Variants in MYO1G observed in about 807,000 individuals in gnomAD.
The protein encoded by MYO1G is unconventional myosin-Ig.
MYO1G carries 65 observed loss-of-function variants against 115.3 expected under a neutral mutation model. The observed-to-expected ratio is 0.56, with a 90% confidence interval of 0.46 to 0.69. The LOEUF (loss-of-function observed/expected upper bound fraction) is 0.69. MYO1G is among the 30% of genes least tolerant of loss of function. The probability of loss-of-function intolerance (pLI) is 0.00; values close to 1 mark genes in which losing one functional copy is unlikely to be tolerated. For synonymous variants in MYO1G, 510 were observed against 552.6 expected (o/e 0.92, Z 1.08); for missense variants, 1,204 against 1,393.5 (o/e 0.86, Z 2.16).
At position 44,966,366 on chromosome 7, in the gene MYO1G, G is replaced by A; in HGVS notation, c.1950-86C>T. 1 of 1,218,130 alleles carries A rather than the reference G, an allele frequency of 8.2e-7. No homozygotes were observed. The highest frequency in any genetic ancestry group is 1.2e-6 in the Non-Finnish European group (1 of 857,944). The allele number at this position is 1,218,130 out of a possible 1,614,324, so 75.5% of individuals were successfully genotyped here. A position where few individuals can be genotyped will look rare whatever the true frequency, so the allele number is the denominator to read the frequency against. ...CTGCCCACCCCACACCTGGGGAGAT[G>A]GCAGGGATACAGAGTGTGTTCCTGG... On this transcript the variant is annotated intron_variant, in intron 15 of 21. Transcript: ENST00000258787. This position sits in a 1 kb window ranked among gnomAD's most constrained non-coding sequence, Gnocchi z 5.0.
chr7:44,978,886 T>C lies in MYO1G; in HGVS notation c.76A>G (p.Met26Val), dbSNP rs1322901689. 6.2e-7 allele frequency: 1 copy of C among 1,614,194 alleles called. No homozygotes were observed. Among genetic ancestry groups the C allele is most frequent in the Non-Finnish European group, 8.5e-7 (1 of 1,180,012 alleles). ...LLDQVTMEDF[M>V]RNLQLRFEKG... ...GCCTACCTGAGCTGCAGGTTCCTCA[T>C]GAAGTCCTCCATGGTCACTTGGTCC... Residue 26 changes from methionine (M) to valine (V), a missense_variant, in exon 1 of 22, where the codon ATG becomes GTG. Met to Val is a conservative substitution (Grantham distance 21). Transcript: ENST00000258787.
Position 44,969,911 on chromosome 7 carries a change from G to T in MYO1G, c.1333-36C>A. The T allele has an allele frequency of 6.3e-7, 1 of 1,589,020 alleles. No individual in the cohort carries two copies. Among genetic ancestry groups the T allele is most frequent in the Non-Finnish European group, 8.6e-7 (1 of 1,166,340 alleles). ...GGCAGCCAGCAAGGAAGCTCCCAAGGTCTTTCAGGCCACCTCCCCTCCTCC... is the reference window on the plus strand; with the variant it reads ...GGCAGCCAGCAAGGAAGCTCCCAAGTTCTTTCAGGCCACCTCCCCTCCTCC... On this transcript the variant is annotated intron_variant, in intron 10 of 21. Transcript: ENST00000258787. This position sits in a 1 kb window ranked among gnomAD's most constrained non-coding sequence, Gnocchi z 5.0.
chr7:44,976,559 C>T lies in MYO1G; in HGVS notation c.398+5G>A. 6.2e-7 allele frequency: 1 copy of T among 1,613,742 alleles called. No individual in the cohort carries two copies. The highest frequency in any genetic ancestry group is 8.5e-7 in the Non-Finnish European group (1 of 1,179,662). On this transcript the variant is annotated splice_donor_5th_base_variant and intron_variant, in intron 3 of 21. Coordinates refer to ENST00000258787, the MANE Select transcript of MYO1G (RefSeq NM_033054.3). ...TGAGGCCCAGAGCTGCCCATTGCCA[C>T]TCACCTCTCCACCTCAGCCCTCTGG...
chr7:44,974,676 T>C (rs1247214272), intron 5 of MYO1G: 3 of 175,836 alleles, frequency 1.7e-5, no homozygotes, highest in Non-Finnish European at 3.7e-5. Flanking sequence ...AGTGTCAAGC[T>C]CTGAGACTGC....
intron 1 of MYO1G, among the ~76,000 whole-genome samples, chr7:44,977,767 C>T (rs1030268949): frequency 6.6e-6 from 1 of 152,094 alleles, no homozygotes; most frequent in Admixed American, 6.5e-5. Flanking sequence ...CCCTCAGACC[C>T]ATCTCCCCTT....
In MYO1G at chr7:44,975,487, C is replaced by T. The variant is rs146466466; in HGVS notation, c.561G>A (p.Glu187=). 6.2e-5 allele frequency: 99 copies of T among 1,607,526 alleles called. No homozygotes were observed. The highest frequency in any genetic ancestry group is 3.3e-4 in the Middle Eastern group (2 of 6,062). The change falls in exon 4 of 22, where the codon GAG becomes GAA. Residue 187 remains glutamate, a synonymous_variant. Transcript: ENST00000258787. ...TCTCCTCAGCCCACCTGCCCACCTT[C>T]TCCAGTAGGTAGCTGTGGATGTGTC... ...IGGHIHSYLL[E]KSRVLKQHVG...
In MYO1G at chr7:44,970,921, G is replaced by A. The variant is rs1302326073; in HGVS notation, c.985C>T (p.Arg329Cys). Residue 329 changes from arginine (R) to cysteine (C), a missense_variant, in exon 8 of 22, where the codon CGC becomes TGC. Coordinates refer to ENST00000258787, the MANE Select transcript of MYO1G (RefSeq NM_033054.3). ...RDLVLRSLLA[R>C]TVASGGRELI... Reference sequence around the variant, plus strand: ...TCCCTGCCTCCCGAGGCAACTGTGCGAGCCAGCAGGGAGCGGAGCACGAGG... The same window carrying A: ...TCCCTGCCTCCCGAGGCAACTGTGCAAGCCAGCAGGGAGCGGAGCACGAGG... The A allele has an allele frequency of 3.7e-6, 6 of 1,613,558 alleles. No homozygotes were observed. The highest frequency in any genetic ancestry group is 2.2e-5 in the East Asian group (1 of 44,880).
In MYO1G at chr7:44,970,832, T is replaced by C. The variant is rs779714613; in HGVS notation, c.1071+3A>G. 26 of 1,613,478 alleles carry C rather than the reference T, an allele frequency of 1.6e-5. No homozygotes were observed. In the Admixed American group the frequency reaches 2.2e-4, roughly 13 times the overall value. On this transcript the variant is annotated splice_donor_region_variant and intron_variant, in intron 8 of 21. Coordinates refer to ENST00000258787, the MANE Select transcript of MYO1G (RefSeq NM_033054.3). ...TCCCTCCCTGTGCCTGCCCCCAAAG[T>C]ACCTTGGCACAGGCATCCCGGGCAT...
intron 17 of MYO1G, 73 bp downstream of exon 17, chr7:44,965,564 G>A (rs2128701128): frequency 1.4e-6 from 2 of 1,441,892 alleles, no homozygotes; most frequent in Middle Eastern, 1.8e-4. Context: ...AGGCACTGCA[G>A]GCCCGGGATG....
At chr7:44,975,442 G>T in intron 4 of MYO1G, 42 bp downstream of exon 4, 1 of 1,581,694 alleles carries the variant, frequency 6.3e-7, no homozygotes, top group South Asian at 1.2e-5. Context: ...ATGGGTCTCG[G>T]CCAGGGCTCC....
intron 1 of MYO1G, 134 bp downstream of exon 1, chr7:44,978,733 G>A: frequency 4.0e-6 from 3 of 753,590 alleles, no homozygotes; most frequent in Non-Finnish European, 6.7e-6. Flanking sequence ...AGCCCCATCT[G>A]GTCTGGGTGG....
chr7:44,971,793 G>A lies in MYO1G; in HGVS notation c.730-4C>T. 1 of 1,551,234 alleles carries A rather than the reference G, an allele frequency of 6.4e-7. No homozygotes were observed. Among genetic ancestry groups the A allele is most frequent in the Non-Finnish European group, 8.7e-7 (1 of 1,145,186 alleles). ...TCTGCTCATCACTGTCCAAGGCCTA[G>A]GGTAGAAGGGATTCATCACTCCAAA... On this transcript the variant is annotated splice_region_variant and splice_polypyrimidine_tract_variant and intron_variant, in intron 6 of 21. Transcript: ENST00000258787.
chr7:44,967,514 G>A, intron 14 of MYO1G, 91 bp downstream of exon 14: 1 of 1,506,168 alleles, frequency 6.6e-7, no homozygotes, highest in South Asian at 1.2e-5. Context: ...CCACCACTAT[G>A]ATGTACAGAG....
At position 44,970,943 on chromosome 7, in the gene MYO1G, G is replaced by A. The variant is rs267601521; in HGVS notation, c.963C>T (p.Leu321=). ...VAELTATPRD[L]VLRSLLARTV... is the part of the protein sequence containing the mutation. ...TGCGAGCCAGCAGGGAGCGGAGCAC[G>A]AGGTCCCGGGGTGTGGCCGTCAGCT... Residue 321 remains leucine, a synonymous_variant, in exon 8 of 22, where the codon CTC becomes CTT. Coordinates refer to ENST00000258787, the MANE Select transcript of MYO1G (RefSeq NM_033054.3). The A allele has an allele frequency of 1.1e-5, 18 of 1,613,412 alleles. No individual in the cohort carries two copies. The highest frequency in any genetic ancestry group is 1.6e-4 in the Middle Eastern group (1 of 6,082).
rs377715922 is a variant in MYO1G at position 44,972,151 on chromosome 7, T to C, written c.693A>G (p.Thr231=). ...LERNPAVYNF[T]HQGAGLNMTV... ...TCATGTTGAGTCCTGCTCCCTGGTG[T>C]GTGAAATTGTATACAGCAGGGTTTC... is the stretch of plus-strand genomic sequence containing the variant. The change falls in exon 6 of 22, where the codon ACA becomes ACG. Residue 231 remains threonine, a synonymous_variant. Transcript: ENST00000258787. 1.2e-6 allele frequency: 2 copies of C among 1,613,954 alleles called. No individual in the cohort carries two copies. Among genetic ancestry groups the C allele is most frequent in the African/African-American group, 2.7e-5 (2 of 74,886 alleles).
In MYO1G at chr7:44,964,065, G is replaced by A. The variant is rs1208746512; in HGVS notation, c.2729C>T (p.Ala910Val). The change falls in exon 20 of 22, where the codon GCC becomes GTC. Residue 910 changes from alanine to valine, a missense_variant. By Grantham distance (64) the Ala-to-Val change is moderately conservative. Coordinates refer to ENST00000258787, the MANE Select transcript of MYO1G (RefSeq NM_033054.3). This position sits in a 1 kb window ranked among gnomAD's most constrained non-coding sequence, Gnocchi z 5.1. The stretch of plus-strand genomic sequence containing the variant: ...ATTGCTCACCGCCTCAAGGGGCACG[G>A]CCCGCATCACCCGGTACTGCCGGTC... ...DPDRQYRVMR[A>V]VPLEAVTGLS... is the part of the protein sequence containing the mutation. 6.3e-7 allele frequency: 1 copy of A among 1,597,386 alleles called. No homozygotes were observed. Among genetic ancestry groups the A allele is most frequent in the Non-Finnish European group, 8.5e-7 (1 of 1,172,000 alleles).
At chr7:44,970,466 G>A (rs1794934087) in intron 9 of MYO1G, 126 bp downstream of exon 9, 1 of 1,296,550 alleles carries the variant, frequency 7.7e-7, no homozygotes, top group Non-Finnish European at 1.1e-6. Flanking sequence ...CATGAGCCTT[G>A]GGCCCAGGGA....
Position 44,962,935 on chromosome 7 carries a change from G to A in MYO1G, c.2900+35C>T. 2 of 1,504,680 alleles carry A rather than the reference G, an allele frequency of 1.3e-6. No individual in the cohort carries two copies. The highest frequency in any genetic ancestry group is 8.8e-7 in the Non-Finnish European group (1 of 1,130,064). 93.2% of individuals were successfully genotyped at this position (1,504,680 alleles called of 1,614,324 possible). ...GGGGTCAGGGCGGCCACGCGGCCGG[G>A]GCTTCGTGCCCGCTACCGCCCAGCC... is the stretch of plus-strand genomic sequence containing the variant. On this transcript the variant is annotated intron_variant, in intron 21 of 21. Transcript: ENST00000258787. This position sits in a 1 kb window ranked among gnomAD's most constrained non-coding sequence, Gnocchi z 5.3.
Position 44,969,077 on chromosome 7 carries a change from G to T in MYO1G, c.1574+336C>A. 1 of 294,058 alleles carries T rather than the reference G, an allele frequency of 3.4e-6. No homozygotes were observed. Among genetic ancestry groups the T allele is most frequent in the Non-Finnish European group, 6.7e-6 (1 of 149,450 alleles). The allele number at this position is 294,058 out of a possible 1,614,324, so 18.2% of individuals were successfully genotyped here. On this transcript the variant is annotated intron_variant, in intron 12 of 21. Coordinates refer to ENST00000258787, the MANE Select transcript of MYO1G (RefSeq NM_033054.3). This position sits in a 1 kb window ranked among gnomAD's most constrained non-coding sequence, Gnocchi z 5.0. ...AGAAATGCAGAATCTTGGCCCCCCTGCACCTTCCACTCCCTCCCCACCCCC... is the reference window on the plus strand; with the variant it reads ...AGAAATGCAGAATCTTGGCCCCCCTTCACCTTCCACTCCCTCCCCACCCCC...
Sources: allele counts gnomAD v4.1 joint callset (sites outside exome capture counted in the v4.1 genomes callset), GRCh38; gene constraint gnomAD v4.1.1; non-coding constraint Gnocchi (gnomAD v3.1); transcripts MANE v1.5; gene names NCBI Gene and HGNC (gene_info 2026-07-23, HGNC 2026-07-21).